The following BYSL variants were observed in gnomAD, a reference collection of about 807,000 sequenced individuals.
BYSL encodes the protein bystin like, also known as bystin.
Under a neutral mutation model 45.4 loss-of-function variants are expected in BYSL, and 21 were observed. That is an observed-to-expected ratio of 0.46 (90% CI 0.33 to 0.67). The LOEUF is 0.67. BYSL is among the 30% of genes least tolerant of loss of function. The pLI, the probability that BYSL is intolerant of heterozygous loss-of-function variation, is 0.02. For missense variants in BYSL, 522 were observed against 578.5 expected (o/e 0.90, Z 1.00); for synonymous variants, 215 against 231.3 (o/e 0.93, Z 0.64).
chr6:41,914,619 A>C, the BYSL span, among the ~76,000 whole-genome samples: 2 of 139,982 alleles, frequency 1.4e-5, no homozygotes, highest in African/African-American at 5.5e-5. Context: ...TCATATCCAA[A>C]GAGTCTCTCT....
chr6:41,916,947 G>C, upstream of BYSL: 1 of 1,613,778 alleles, frequency 6.2e-7, no homozygotes, highest in South Asian at 1.1e-5. Flanking sequence ...ACACTGGAAA[G>C]GAGAGCACCA....
upstream of BYSL, chr6:41,920,860 C>T (rs1775444885): frequency 4.9e-6 from 5 of 1,022,520 alleles, no homozygotes; most frequent in Non-Finnish European, 6.8e-6. Context: ...GCCCGGGGAA[C>T]CCGCAGCCCG....
the BYSL span, among the ~76,000 whole-genome samples, chr6:41,913,888 A>T: frequency 0.015 from 2,265 of 152,210 alleles, 55 homozygotes; most frequent in African/African-American, 0.052. Flanking sequence ...ACAAGAACAA[A>T]ACTCCGTCTC....
intron 2 of BYSL, among the ~76,000 whole-genome samples, chr6:41,928,842 C>A (rs12524742): frequency 7.2e-5 from 11 of 152,180 alleles, no homozygotes; most frequent in Non-Finnish European, 1.6e-4. Context: ...CATAAGTTTC[C>A]GTGTCCTATA....
In BYSL at chr6:41,930,848, GGCCCCAGGGCATTTGAGCTTT is replaced by G. The variant is rs1486187653; in HGVS notation, c.704+91_704+111del. The G allele has an allele frequency of 5.3e-5, 79 of 1,504,488 alleles. No individual in the cohort carries two copies. The South Asian group carries it at 9.5e-4, about 18-fold the overall frequency. The allele number at this position is 1,504,488 out of a possible 1,614,324, so 93.2% of individuals were successfully genotyped here. ...GGACGGACAGGCTTTCCTTGCCTCT[GGCCCCAGGGCATTTGAGCTTT>G]GCCCCAGGGCCCTCTCTGTGCTACT... On this transcript the variant is annotated intron_variant, in intron 4 of 6. Transcript: ENST00000230340.
the BYSL span, among the ~76,000 whole-genome samples, chr6:41,915,970 G>A: frequency 6.6e-6 from 1 of 152,234 alleles, no homozygotes; most frequent in Non-Finnish European, 1.5e-5. Context: ...GCTTTAGCCA[G>A]GAGTGGTGGC....
chr6:41,926,300 A>G (rs192145966), intron 1 of BYSL, among the ~76,000 whole-genome samples: 6 of 152,272 alleles, frequency 3.9e-5, no homozygotes, highest in African/African-American at 1.4e-4. Context: ...CTAGACCCAG[A>G]CTACCTGTCT....
rs2296916 is a variant in BYSL at position 41,927,412 on chromosome 6, G to A, written c.307G>A (p.Glu103Lys). The A allele has an allele frequency of 0.098, 158,204 of 1,614,066 alleles. 8,617 individuals carry two copies. The highest frequency in any genetic ancestry group is 0.17 in the East Asian group (7,608 of 44,868). The change falls in exon 2 of 7, where the codon GAG becomes AAG. Residue 103 changes from glutamate (E) to lysine (K), a missense_variant. Coordinates refer to ENST00000230340, the MANE Select transcript of BYSL (RefSeq NM_004053.4). Reference protein sequence around the residue: ...MPQDGSDDEDEEWPTLEKAAT... With the variant: ...MPQDGSDDEDKEWPTLEKAAT... ...TCAGGATGGATCAGATGACGAGGAC[G>A]AGGAGTGGCCCACCCTGGAGAAGGC...
chr6:41,930,252 G>A lies in BYSL; in HGVS notation c.552G>A (p.Val184=), dbSNP rs200946471. Residue 184 remains valine, a synonymous_variant, in exon 3 of 7, where the codon GTG becomes GTA. Transcript: ENST00000230340. ...MPQLDPRVLE[V]YRGVREVLSK... ...AGCTGGACCCCCGGGTCCTAGAAGT[G>A]TACAGGGGGGTCCGGGAGGTAAGAG... 1.2e-5 allele frequency: 20 copies of A among 1,614,146 alleles called. No individual in the cohort carries two copies. The East Asian group carries it at 3.3e-4, about 27-fold the overall frequency.
intron 1 of BYSL, among the ~76,000 whole-genome samples, chr6:41,924,271 A>G (rs926619180): frequency 5.3e-5 from 8 of 149,938 alleles, no homozygotes; most frequent in South Asian, 2.1e-4. Flanking sequence ...GGATTTCGCT[A>G]TGTTGGCCAG....
At chr6:41,930,810 C>A in intron 4 of BYSL, 42 bp downstream of exon 4, 1 of 1,588,380 alleles carries the variant, frequency 6.3e-7, no homozygotes, top group South Asian at 1.1e-5. Flanking sequence ...TTTATAGGTG[C>A]AGGCTGAGTT....
Position 41,932,518 on chromosome 6 carries a change from G to A in BYSL, c.1126G>A (p.Val376Met). The A allele has an allele frequency of 6.2e-7, 1 of 1,614,212 alleles. No homozygotes were observed. Among genetic ancestry groups the A allele is most frequent in the Non-Finnish European group, 8.5e-7 (1 of 1,180,040 alleles). Residue 376 changes from valine to methionine, a missense_variant, in exon 7 of 7, where the codon GTG becomes ATG. Physicochemically the swap from Val to Met is conservative, Grantham distance 21. Transcript: ENST00000230340. The surrounding 1 kb of genome is among the most constrained non-coding windows in gnomAD (Gnocchi z 4.7). ...GFRTEKRELP[V>M]LWHQCLLTLV... ...CCGGACAGAGAAGCGTGAACTGCCTGTGCTGTGGCACCAGTGCCTCCTGAC... is the reference window on the plus strand; with the variant it reads ...CCGGACAGAGAAGCGTGAACTGCCTATGCTGTGGCACCAGTGCCTCCTGAC...
At chr6:41,912,136 C>A in the BYSL span, among the ~76,000 whole-genome samples, 2 of 150,906 alleles carry the variant, frequency 1.3e-5, no homozygotes, top group Non-Finnish European at 2.9e-5. Context: ...GAAGCCTCAA[C>A]CTCCTGAGCC....
At chr6:41,916,469 C>T in the BYSL span, among the ~76,000 whole-genome samples, 2 of 151,796 alleles carry the variant, frequency 1.3e-5, no homozygotes, top group African/African-American at 2.4e-5. Flanking sequence ...ATCCCAGCTA[C>T]CTGGGAAGGC....
Position 41,930,241 on chromosome 6 carries a change from G to A in BYSL, c.541G>A (p.Val181Ile). The A allele has an allele frequency of 3.7e-6, 6 of 1,614,194 alleles. No individual in the cohort carries two copies. Among genetic ancestry groups the A allele is most frequent in the Non-Finnish European group, 5.1e-6 (6 of 1,180,036 alleles). ...CCCTATGCCCCAGCTGGACCCCCGG[G>A]TCCTAGAAGTGTACAGGGGGGTCCG... ...GFPMPQLDPR[V>I]LEVYRGVREV... The change falls in exon 3 of 7, where the codon GTC (valine) becomes ATC (isoleucine). Residue 181 changes from valine to isoleucine, a missense_variant. By Grantham distance (29) the Val-to-Ile change is conservative (BLOSUM62 3). Transcript: ENST00000230340.
chr6:41,924,531 C>T (rs1478111228), intron 1 of BYSL, among the ~76,000 whole-genome samples: 3 of 152,088 alleles, frequency 2.0e-5, no homozygotes, highest in Admixed American at 1.3e-4. Context: ...TTCGGTTGTT[C>T]GTGGATATAT....
chr6:41,921,271 G>C (rs1775460941), upstream of BYSL: 1 of 620,424 alleles, frequency 1.6e-6, no homozygotes. Flanking sequence ...ATTCCCGTTT[G>C]GCTGAGCACT....
intron 1 of BYSL, among the ~76,000 whole-genome samples, chr6:41,924,377 A>G (rs1775535359): frequency 1.3e-5 from 2 of 152,168 alleles, no homozygotes; most frequent in Admixed American, 6.5e-5. Flanking sequence ...AGCCCATAGT[A>G]CTTATCTTTT....
chr6:41,916,977 A>G (rs1433662216), upstream of BYSL: 1 of 1,611,218 alleles, frequency 6.2e-7, no homozygotes, highest in Admixed American at 1.7e-5. Flanking sequence ...TTATCCAGAG[A>G]CACACGTGTG....
Sources: allele counts gnomAD v4.1 joint callset (sites outside exome capture counted in the v4.1 genomes callset), GRCh38; gene constraint gnomAD v4.1.1; non-coding constraint Gnocchi (gnomAD v3.1); transcripts MANE v1.5; gene names NCBI Gene and HGNC (gene_info 2026-07-23, HGNC 2026-07-21).